Variants in CEP76 observed in about 807,000 individuals in gnomAD.
CEP76 encodes the protein centrosomal protein 76.
In CEP76, 55 loss-of-function variants were observed where a neutral mutation model predicts 83.3. The observed-to-expected ratio is 0.66, with a 90% CI of 0.53 to 0.83. The LOEUF is 0.83. Ranked by LOEUF, CEP76 falls within the 40% of genes least tolerant of loss-of-function variation. The pLI is 0.00. For synonymous variants in CEP76, 270 were observed against 274.5 expected, an observed-to-expected ratio of 0.98 and a Z score of 0.16; for missense variants, 694 against 799.5, an observed-to-expected ratio of 0.87 and a Z score of 1.59.
intron 12 of CEP76, among the ~76,000 whole-genome samples, chr18:12,664,238 G>A (rs2038758141): frequency 6.6e-6 from 1 of 151,958 alleles, no homozygotes. Context: ...ACCACACCCC[G>A]CTAATTTTTT....
chr18:12,691,406 G>C lies in CEP76; in HGVS notation c.886C>G (p.Gln296Glu). Residue 296 changes from glutamine (Q) to glutamate (E), a missense_variant, in exon 7 of 12, where the codon CAA becomes GAA. Coordinates refer to ENST00000262127, the MANE Select transcript of CEP76 (RefSeq NM_024899.4). ...CGTGAGTTGTGTGAGGGTCGAATTT[G>C]CAAATATTCTCTCCACCACTGCTTA... is the stretch of plus-strand genomic sequence containing the variant. ...YAKQWWREYL[Q>E]IRPSHNSRLV... 1.9e-6 allele frequency: 3 copies of C among 1,607,510 alleles called. No individual in the cohort carries two copies. The highest frequency in any genetic ancestry group is 2.6e-6 in the Non-Finnish European group (3 of 1,176,324).
rs761904667 is a variant in CEP76 at position 12,678,137 on chromosome 18, A to C, written c.1595T>G (p.Leu532Arg). The change falls in exon 10 of 12, where the codon CTG (leucine) becomes CGG (arginine). Residue 532 changes from leucine (L) to arginine (R), a missense_variant. Leu to Arg is a moderately radical substitution (Grantham distance 102). Coordinates refer to ENST00000262127, the MANE Select transcript of CEP76 (RefSeq NM_024899.4). ...SVTSNEIEMQ[L>R]RLLVSEHRKD... Reference sequence around the variant, plus strand: ...CCTGTGTTCTGACACCAGGAGCCTCAGCTGCATTTCAATTTCATTACTTGT... The same window carrying C: ...CCTGTGTTCTGACACCAGGAGCCTCCGCTGCATTTCAATTTCATTACTTGT... 36 of 1,613,382 alleles carry C rather than the reference A, an allele frequency of 2.2e-5. No individual in the cohort carries two copies. Among genetic ancestry groups the C allele is most frequent in the Non-Finnish European group, 3.0e-5 (35 of 1,179,290 alleles).
intron 6 of CEP76, among the ~76,000 whole-genome samples, chr18:12,694,763 G>A (rs1418878564): frequency 6.6e-6 from 1 of 150,638 alleles, no homozygotes; most frequent in Non-Finnish European, 1.5e-5. Context: ...CCAGGCTGGA[G>A]TGCACTGGTG....
In CEP76 at chr18:12,688,320, G is replaced by C. The variant is rs183532568; in HGVS notation, c.934-1870C>G. 2.3e-4 allele frequency among the ~76,000 whole-genome samples: 35 copies of C among 150,426 alleles called. No homozygotes were observed. The East Asian group carries it at 5.8e-3, about 25-fold the overall frequency. ...TTTCTTGCACTAAAAAGTTCAAAAA[G>C]CATCATTCAATGAATTACTACTATA... On this transcript the variant is annotated intron_variant, in intron 7 of 11. Transcript: ENST00000262127.
chr18:12,675,323 G>A (rs1349243598), intron 10 of CEP76, among the ~76,000 whole-genome samples: 1 of 152,082 alleles, frequency 6.6e-6, no homozygotes, highest in Non-Finnish European at 1.5e-5. Context: ...ATGAATCCGG[G>A]AGGCAGAGCT....
intron 7 of CEP76, chr18:12,686,770 G>T: frequency 5.3e-6 from 1 of 189,404 alleles, no homozygotes; most frequent in Non-Finnish European, 1.1e-5. Flanking sequence ...TGTAGGGGAG[G>T]GAGAGGTGCT....
downstream of CEP76, among the ~76,000 whole-genome samples, chr18:12,667,760 C>CAAA (rs67167827): frequency 5.6e-5 from 5 of 89,946 alleles, no homozygotes; most frequent in Non-Finnish European, 1.0e-4. Context: ...GACTCTTTCT[C>CAAA]AAAAAAAAAA....
chr18:12,702,626 C>G lies in CEP76; in HGVS notation c.-78G>C. 6.8e-7 allele frequency: 1 copy of G among 1,479,510 alleles called. No homozygotes were observed. 91.6% of individuals were successfully genotyped at this position (1,479,510 alleles called of 1,614,324 possible). A position where few individuals can be genotyped will look rare whatever the true frequency, so the allele number is the denominator to read the frequency against. On this transcript the variant is annotated 5_prime_UTR_variant, in exon 1 of 12. Coordinates refer to ENST00000262127, the MANE Select transcript of CEP76 (RefSeq NM_024899.4). ...GCGCGGCCCCGGCCGGGCCAGGGAG[C>G]GTTAGGAGCGACTGGAGCACAAAGC...
chr18:12,695,299 A>G lies in CEP76; in HGVS notation c.759T>C (p.Tyr253=). 1.3e-6 allele frequency: 2 copies of G among 1,574,096 alleles called. No homozygotes were observed. Among genetic ancestry groups the G allele is most frequent in the Admixed American group, 3.4e-5 (2 of 58,438 alleles). ...GAGATAACGTTTGATTGAGTGGTGG[A>G]TACATTTCAAGTTTTATATTTAAAA... ...VGILNIKLEM[Y]PPLNQTLSQE... The change falls in exon 6 of 12, where the codon TAT becomes TAC. Residue 253 remains tyrosine (Y), a synonymous_variant. Coordinates refer to ENST00000262127, the MANE Select transcript of CEP76 (RefSeq NM_024899.4).
intron 12 of CEP76, among the ~76,000 whole-genome samples, chr18:12,666,439 T>G (rs942411019): frequency 6.3e-4 from 93 of 148,214 alleles, no homozygotes; most frequent in Non-Finnish European, 8.4e-4. Context: ...TTTTATGGTT[T>G]TTTTTTTTTT....
rs903473534 is a variant in CEP76 at position 12,702,570 on chromosome 18, G to A, written c.-22C>T. Reference sequence around the variant, plus strand: ...ACATGCTGGCAGCCGGCGTCTCCCCGCCGCTTCTCCCCGCCTCAGATGCCC... The same window carrying A: ...ACATGCTGGCAGCCGGCGTCTCCCCACCGCTTCTCCCCGCCTCAGATGCCC... On this transcript the variant is annotated 5_prime_UTR_variant, in exon 1 of 12. Transcript: ENST00000262127. 1 of 1,586,880 alleles carries A rather than the reference G, an allele frequency of 6.3e-7. No individual in the cohort carries two copies. The highest frequency in any genetic ancestry group is 8.6e-7 in the Non-Finnish European group (1 of 1,167,650).
intron 6 of CEP76, among the ~76,000 whole-genome samples, chr18:12,695,005 G>A (rs1228519132): frequency 2.6e-5 from 4 of 151,964 alleles, no homozygotes; most frequent in Admixed American, 6.6e-5. Context: ...GTGAGCCACC[G>A]GCCTATCCTG....
At chr18:12,702,458 G>C (rs1371606574) in intron 1 of CEP76, 28 bp downstream of exon 1, 2 of 1,553,186 alleles carry the variant, frequency 1.3e-6, no homozygotes, top group Non-Finnish European at 1.8e-6. Context: ...TCGGCCCGGC[G>C]GTCTCTCCCA....
chr18:12,674,300 G>A (rs981455221), intron 11 of CEP76, among the ~76,000 whole-genome samples: 2 of 152,044 alleles, frequency 1.3e-5, no homozygotes, highest in African/African-American at 4.8e-5. Context: ...AAAATAGCCA[G>A]GTATGGTGGC....
intron 7 of CEP76, among the ~76,000 whole-genome samples, chr18:12,689,972 A>G (rs368715655): frequency 6.6e-6 from 1 of 152,320 alleles, no homozygotes. Context: ...TATTTTTAGT[A>G]GAGACAAGGT....
chr18:12,689,548 T>C (rs2039671754), intron 7 of CEP76, among the ~76,000 whole-genome samples: 1 of 152,068 alleles, frequency 6.6e-6, no homozygotes, highest in African/African-American at 2.4e-5. Context: ...GTTCAAATCT[T>C]AAAATGAATT....
At chr18:12,699,954 G>A (rs1163585599) in intron 2 of CEP76, 49 bp from the exon 3 acceptor site, 8 of 1,269,150 alleles carry the variant, frequency 6.3e-6, no homozygotes, top group South Asian at 1.5e-5. Context: ...AACAATTATA[G>A]GTTAAGGAAA....
chr18:12,680,768 C>T lies in CEP76; in HGVS notation c.1183G>A (p.Ala395Thr). 7 of 1,613,824 alleles carry T rather than the reference C, an allele frequency of 4.3e-6. No individual in the cohort carries two copies. The highest frequency in any genetic ancestry group is 1.3e-5 in the African/African-American group (1 of 74,992). The change falls in exon 9 of 12, where the codon GCC becomes ACC. Residue 395 changes from alanine (A) to threonine (T), a missense_variant. By Grantham distance (58) the Ala-to-Thr change is moderately conservative. Transcript: ENST00000262127. Reference sequence around the variant, plus strand: ...GCCTTGGTCCCAACACAAACAAAGGCTTCTAATCCATATCCAAGAAGAAGG... The same window carrying T: ...GCCTTGGTCCCAACACAAACAAAGGTTTCTAATCCATATCCAAGAAGAAGG... ...CSLLLGYGLE[A>T]FVCVGTKAKG... is the part of the protein sequence containing the mutation.
intron 7 of CEP76, among the ~76,000 whole-genome samples, chr18:12,690,229 C>G (rs2039702455): frequency 6.6e-6 from 1 of 152,218 alleles, no homozygotes; most frequent in Non-Finnish European, 1.5e-5. Context: ...TCTAGTCAAC[C>G]TCTCATTCCC....
Sources: gnomAD v4.1 joint callset for allele counts (sites outside exome capture counted in the v4.1 genomes callset) on GRCh38, gnomAD v4.1.1 for gene constraint, MANE v1.5 for transcripts, NCBI Gene and HGNC (gene_info 2026-07-23, HGNC 2026-07-21) for gene names.